GAD1: variants seen among roughly 807,000 people sequenced by gnomAD.
GAD1 encodes glutamate decarboxylase 1, also known as 67 kDa glutamic acid decarboxylase.
A neutral mutation model predicts 75.2 loss-of-function variants in GAD1; 35 were observed. That is an observed-to-expected ratio of 0.47 (90% CI 0.36 to 0.62). GAD1 has a LOEUF of 0.62. Ranked by LOEUF, GAD1 falls within the 20% of genes least tolerant of loss-of-function variation. The pLI, the probability that GAD1 is intolerant of heterozygous loss-of-function variation, is 0.00. For missense variants in GAD1, 490 were observed against 758.5 expected, an observed-to-expected ratio of 0.65 and a Z score of 4.16; for synonymous variants, 257 against 271.9, an observed-to-expected ratio of 0.95 and a Z score of 0.54.
At chr2:170,816,854 C>T (rs1273958150), upstream of GAD1, 1 of 157,850 alleles carries the variant, frequency 6.3e-6, no homozygotes, top group Non-Finnish European at 1.4e-5. Flanking sequence ...CCCCGCCTAC[C>T]CCGGAGCCGT....
chr2:170,854,132 T>C, intron 14 of GAD1, 110 bp downstream of exon 14: 1 of 1,083,208 alleles, frequency 9.2e-7, no homozygotes, highest in East Asian at 2.4e-5. Flanking sequence ...GGGGAATCAA[T>C]ATCTAGATAA....
At chr2:170,832,549 T>G (rs1341369354) in intron 5 of GAD1, among the ~76,000 whole-genome samples, 1 of 152,180 alleles carries the variant, frequency 6.6e-6, no homozygotes, top group Non-Finnish European at 1.5e-5. Context: ...GATTAGGACT[T>G]GAACATATCT....
At chr2:170,845,464 CAA>C (rs1702608729) in intron 7 of GAD1, 40 bp from the exon 8 acceptor site, 1 of 1,552,010 alleles carries the variant, frequency 6.4e-7, no homozygotes, top group African/African-American at 1.4e-5. Flanking sequence ...AAACAATAAT[CAA>C]AGAGCCCCAA....
At chr2:170,855,388 A>G (rs1702829439) in intron 14 of GAD1, among the ~76,000 whole-genome samples, 1 of 151,390 alleles carries the variant, frequency 6.6e-6, no homozygotes, top group East Asian at 2.0e-4. Context: ...TTATATTTTT[A>G]CTAGAGGCGG....
At chr2:170,824,981 G>C (rs1345559475) in intron 3 of GAD1, among the ~76,000 whole-genome samples, 1 of 151,474 alleles carries the variant, frequency 6.6e-6, no homozygotes, top group African/African-American at 2.4e-5. Flanking sequence ...TGTATCAAGT[G>C]CCAAACCTTA....
chr2:170,815,647 G>A (rs1701681601), upstream of GAD1, among the ~76,000 whole-genome samples: 1 of 152,118 alleles, frequency 6.6e-6, no homozygotes, highest in Admixed American at 6.5e-5. Context: ...GGAGGACCAC[G>A]GTAAATACCA....
chr2:170,856,274 G>A (rs1003136610), intron 14 of GAD1, among the ~76,000 whole-genome samples: 1 of 152,198 alleles, frequency 6.6e-6, no homozygotes, highest in Non-Finnish European at 1.5e-5. Flanking sequence ...TGAAACTCAT[G>A]CTCAACCAGT....
rs1467518754 is a variant in GAD1, at chr2:170,853,590, A to G, written c.1264-283A>G. On this transcript the variant is annotated intron_variant, in intron 13 of 16. Coordinates refer to ENST00000358196, the MANE Select transcript of GAD1 (RefSeq NM_000817.3). This position sits in a 1 kb window ranked among gnomAD's most constrained non-coding sequence, Gnocchi z 4.1. ...CCACTGAATGCCGTAGCACTTCCCA[A>G]TCTTGAAACAATCCCAGACACCCAT... The G allele has an allele frequency of 5.0e-6, 2 of 399,434 alleles. No individual in the cohort carries two copies. The highest frequency in any genetic ancestry group is 9.4e-6 in the Non-Finnish European group (2 of 211,642). The allele number at this position is 399,434 out of a possible 1,614,324, so 24.7% of individuals were successfully genotyped here.
chr2:170,829,919 C>A, intron 4 of GAD1: 1 of 417,122 alleles, frequency 2.4e-6, no homozygotes. Context: ...GTCAAAGGAA[C>A]CTTGCATATA....
chr2:170,850,599 C>T (rs1702726777), intron 12 of GAD1, among the ~76,000 whole-genome samples: 1 of 152,200 alleles, frequency 6.6e-6, no homozygotes, highest in African/African-American at 2.4e-5. Flanking sequence ...TCTCCCACAG[C>T]CAGGACTCTG....
intron 14 of GAD1, among the ~76,000 whole-genome samples, chr2:170,854,901 C>T (rs1375355479): frequency 6.6e-6 from 1 of 152,034 alleles, no homozygotes; most frequent in Non-Finnish European, 1.5e-5. Flanking sequence ...ATTTCTGTAC[C>T]TAAGGAAAAA....
At chr2:170,821,409 G>T (rs568397635) in intron 2 of GAD1, among the ~76,000 whole-genome samples, 2 of 152,284 alleles carry the variant, frequency 1.3e-5, no homozygotes, top group South Asian at 4.2e-4. Context: ...GACCCAAGAT[G>T]TCAGAGGGAA....
At chr2:170,825,727 C>T (rs1325650687) in intron 3 of GAD1, among the ~76,000 whole-genome samples, 1 of 152,190 alleles carries the variant, frequency 6.6e-6, no homozygotes, top group Admixed American at 6.5e-5. Flanking sequence ...GATTTTTCTC[C>T]CCTTGCGGCT....
chr2:170,852,368 A>G (rs1293910600), intron 12 of GAD1: 1 of 341,930 alleles, frequency 2.9e-6, no homozygotes, highest in African/African-American at 2.1e-5. Flanking sequence ...CCAAGCTAAC[A>G]AATATTAGAG....
chr2:170,829,889 T>C (rs756036829), intron 4 of GAD1: 41 of 490,236 alleles, frequency 8.4e-5, no homozygotes, highest in African/African-American at 4.7e-4. Flanking sequence ...GGAACAAATA[T>C]GGATTCATAG....
At chr2:170,859,685 T>G (rs1462418687) in intron 16 of GAD1, 24 bp from the exon 17 acceptor site, 60 of 1,613,360 alleles carry the variant, frequency 3.7e-5, no homozygotes, top group Non-Finnish European at 5.0e-5. Context: ...ATCTTGAGTT[T>G]TGTTTTGTGT....
At chr2:170,821,976 A>C in intron 2 of GAD1, 111 bp from the exon 3 acceptor site, 1 of 923,234 alleles carries the variant, frequency 1.1e-6, no homozygotes, top group Non-Finnish European at 1.7e-6. Flanking sequence ...GCTTTTAATG[A>C]AGAGCTCTGG....
chr2:170,852,903 A>T, intron 13 of GAD1, 111 bp downstream of exon 13: 1 of 892,682 alleles, frequency 1.1e-6, no homozygotes, highest in Non-Finnish European at 1.9e-6. Context: ...CGAGATTGGC[A>T]GCCCCACTGA....
chr2:170,858,523 A>T (rs930261620), intron 15 of GAD1, among the ~76,000 whole-genome samples: 3 of 152,220 alleles, frequency 2.0e-5, no homozygotes, highest in Non-Finnish European at 4.4e-5. Flanking sequence ...TACCTTTTTT[A>T]AAAAATTGCC....
Sources: gnomAD v4.1 joint callset for allele counts (sites outside exome capture counted in the v4.1 genomes callset) on GRCh38, gnomAD v4.1.1 for gene constraint, Gnocchi (gnomAD v3.1) non-coding constraint, MANE v1.5 for transcripts, NCBI Gene and HGNC (gene_info 2026-07-23, HGNC 2026-07-21) for gene names.